The following MAP4K1 variants were observed in gnomAD, a reference collection of about 807,000 sequenced individuals.
The protein encoded by MAP4K1 is MAPK/ERK kinase kinase kinase 1.
Under a neutral mutation model 122.8 loss-of-function variants are expected in MAP4K1, and 35 were observed. That is an observed-to-expected ratio of 0.29 (90% confidence interval 0.22 to 0.38). The LOEUF (loss-of-function observed/expected upper bound fraction) is 0.38. Among genes scored for constraint, MAP4K1 ranks in the 10% least tolerant of loss-of-function variants. The pLI is 1.00. For missense variants in MAP4K1, 791 were observed against 1,072.6 expected, an observed-to-expected ratio of 0.74 and a Z score of 3.67; for synonymous variants, 412 against 421.3, an observed-to-expected ratio of 0.98 and a Z score of 0.27.
chr19:38,614,494 A>G lies in MAP4K1; in HGVS notation c.314-49T>C, dbSNP rs765355243. ...CCAGGCATTGGATGGGAGCCAGGGA[A>G]CCTGGGCTGGGGAGTCCTGCCCCCC... On this transcript the variant is annotated intron_variant, in intron 4 of 30. Coordinates refer to ENST00000396857, the MANE Select transcript of MAP4K1 (RefSeq NM_001042600.3). 249 of 1,609,220 alleles carry G rather than the reference A, an allele frequency of 1.5e-4. 6 individuals are homozygous for G. The South Asian group carries it at 2.6e-3, about 17-fold the overall frequency.
In MAP4K1 at chr19:38,597,014, C is replaced by T. The variant is rs747154285; in HGVS notation, c.1941+20G>A. ...GCCACCCACTCCTCAGAGTTCCCAGCACCCTCCCAAGCCCCTTACCCGGAC... is the reference window on the plus strand; with the variant it reads ...GCCACCCACTCCTCAGAGTTCCCAGTACCCTCCCAAGCCCCTTACCCGGAC... On this transcript the variant is annotated intron_variant, in intron 25 of 30. Coordinates refer to ENST00000396857, the MANE Select transcript of MAP4K1 (RefSeq NM_001042600.3). The surrounding 1 kb of genome is among the most constrained non-coding windows in gnomAD (Gnocchi z 4.6). 3 of 1,611,740 alleles carry T rather than the reference C, an allele frequency of 1.9e-6. No individual in the cohort carries two copies. The highest frequency in any genetic ancestry group is 2.2e-5 in the East Asian group (1 of 44,866).
chr19:38,589,704 C>T (rs1011222148), intron 30 of MAP4K1, among the ~76,000 whole-genome samples: 17 of 152,184 alleles, frequency 1.1e-4, no homozygotes, highest in African/African-American at 3.6e-4. Flanking sequence ...CGTGAGCCAC[C>T]GCGCCCGACC....
Position 38,617,610 on chromosome 19 carries a change from AC to A in MAP4K1, c.114del (p.Ser39GlnfsTer7). 1 of 1,614,068 alleles carries A rather than the reference AC, an allele frequency of 6.2e-7. No homozygotes were observed. The highest frequency in any genetic ancestry group is 8.5e-7 in the Non-Finnish European group (1 of 1,179,996). Reference protein sequence around the residue: ...YGEVFKARDKVSGDLVALKMV... With the variant: ...YGEVFKARDKXSGDLVALKMV... ...ATCTTCAGTGCCACCAGGTCCCCTG[AC>A]ACCTTGTCTCGAGCCTTGCAAAGGG... On this transcript the variant is annotated frameshift_variant, in exon 2 of 31. Coordinates refer to ENST00000396857, the MANE Select transcript of MAP4K1 (RefSeq NM_001042600.3). LOFTEE classifies it high-confidence loss of function. The surrounding 1 kb of genome is among the most constrained non-coding windows in gnomAD (Gnocchi z 4.1).
At chr19:38,603,139 TATATACACAC>T (rs1975186982) in intron 19 of MAP4K1, among the ~76,000 whole-genome samples, 1 of 145,940 alleles carries the variant, frequency 6.9e-6, no homozygotes, top group African/African-American at 2.6e-5. Flanking sequence ...CGCATATACA[TATATACACAC>T]ATATACATGT....
chr19:38,603,369 T>C (rs1001264669), intron 19 of MAP4K1, among the ~76,000 whole-genome samples: 1 of 151,038 alleles, frequency 6.6e-6, no homozygotes, highest in Non-Finnish European at 1.5e-5. Flanking sequence ...TATACACACA[T>C]ATACATATAT....
At chr19:38,616,849 G>T (rs1470221190) in intron 3 of MAP4K1, among the ~76,000 whole-genome samples, 1 of 152,144 alleles carries the variant, frequency 6.6e-6, no homozygotes, top group Non-Finnish European at 1.5e-5. Context: ...GGTCAGAAAA[G>T]TGGGACTTAG....
rs1975380242 is a variant in MAP4K1, at chr19:38,608,003, T to C, written c.1096A>G (p.Ser366Gly). 6.2e-7 allele frequency: 1 copy of C among 1,610,838 alleles called. No homozygotes were observed. Among genetic ancestry groups the C allele is most frequent in the Non-Finnish European group, 8.5e-7 (1 of 1,178,236 alleles). Residue 366 changes from serine to glycine, a missense_variant, in exon 15 of 31, where the codon AGC becomes GGC. This residue lies in a region of MAP4K1 where 303 missense variants were observed against 344.8 expected (regional missense o/e 0.88). Transcript: ENST00000396857. ...ARLQPPRDLR[S>G]SSPRKQLSES... ...GGGGTCCCTGACCTGGGGCTGCTGC[T>C]CCTGAGGTCTCGAGGAGGCTGTAGG...
intron 22 of MAP4K1, among the ~76,000 whole-genome samples, chr19:38,598,969 C>T (rs1345735256): frequency 4.2e-5 from 6 of 144,004 alleles, no homozygotes; most frequent in African/African-American, 1.3e-4. Context: ...GCCGAGACTG[C>T]GCCACTGCAC....
chr19:38,608,108 T>C lies in MAP4K1; in HGVS notation c.1065+4A>G. On this transcript the variant is annotated splice_donor_region_variant and intron_variant, in intron 14 of 30. Transcript: ENST00000396857. ...TGGTGGGGAGTGGGGGGACAGCATCTCACGGTGTTGGCTGGGGGTCTGGTC... is the reference window on the plus strand; with the variant it reads ...TGGTGGGGAGTGGGGGGACAGCATCCCACGGTGTTGGCTGGGGGTCTGGTC... The C allele has an allele frequency of 6.5e-7, 1 of 1,543,330 alleles. No individual in the cohort carries two copies. The highest frequency in any genetic ancestry group is 8.7e-7 in the Non-Finnish European group (1 of 1,146,284).
At chr19:38,602,265 G>C (rs1975086309) in intron 19 of MAP4K1, among the ~76,000 whole-genome samples, 1 of 152,056 alleles carries the variant, frequency 6.6e-6, no homozygotes, top group Non-Finnish European at 1.5e-5. Flanking sequence ...AGTAGAGACA[G>C]GGTTTCGCCA....
At position 38,597,034 on chromosome 19, in the gene MAP4K1, C is replaced by T. The variant is rs1283696934; in HGVS notation, c.1941G>A (p.Arg647=). ...YQPMNKFLLV[R]QVLFPLPTPL... ...CCCAGCACCCTCCCAAGCCCCTTAC[C>T]CGGACAAGCAGGAATTTGTTCATGG... is the stretch of plus-strand genomic sequence containing the variant. Residue 647 remains arginine, a splice_region_variant and synonymous_variant, in exon 25 of 31, where the codon CGG becomes CGA. Transcript: ENST00000396857. This position sits in a 1 kb window ranked among gnomAD's most constrained non-coding sequence, Gnocchi z 4.6. 1.2e-6 allele frequency: 2 copies of T among 1,614,002 alleles called. No individual in the cohort carries two copies. The highest frequency in any genetic ancestry group is 1.7e-6 in the Non-Finnish European group (2 of 1,179,936).
chr19:38,602,957 C>T (rs968813639), intron 19 of MAP4K1, among the ~76,000 whole-genome samples: 1 of 129,184 alleles, frequency 7.7e-6, no homozygotes, highest in Admixed American at 8.5e-5. Flanking sequence ...TATATACACA[C>T]ATATACACAT....
chr19:38,591,829 G>A (rs1974736187), intron 30 of MAP4K1, among the ~76,000 whole-genome samples: 1 of 151,998 alleles, frequency 6.6e-6, no homozygotes, highest in Admixed American at 6.6e-5. Flanking sequence ...AAATTAGCCG[G>A]GCACAGTGGC....
At chr19:38,612,812 A>T in intron 8 of MAP4K1, 70 bp from the exon 9 acceptor site, 1 of 1,563,482 alleles carries the variant, frequency 6.4e-7, no homozygotes. Context: ...GCAGAGAAGG[A>T]GAAGGAGTTG....
At chr19:38,591,316 G>T (rs2098658) in intron 30 of MAP4K1, among the ~76,000 whole-genome samples, 8,491 of 150,928 alleles carry the variant, frequency 0.056, 466 homozygotes, top group East Asian at 0.2. Context: ...ATCACCTGAG[G>T]TCAAGAGTTC....
At chr19:38,603,604 G>T (rs1975233971) in intron 19 of MAP4K1, among the ~76,000 whole-genome samples, 1 of 152,126 alleles carries the variant, frequency 6.6e-6, no homozygotes, top group African/African-American at 2.4e-5. Flanking sequence ...GGAGGCCGAG[G>T]TGGGAGGATC....
At position 38,593,266 on chromosome 19, in the gene MAP4K1, C is replaced by G. The variant is rs1356248884; in HGVS notation, c.2396+16G>C. ...GCCCCCTCCCAGGTCCTTCTGCACC[C>G]CACCCCACAACATACCTGGGGGAGC... On this transcript the variant is annotated intron_variant, in intron 30 of 30. Transcript: ENST00000396857. 6.2e-7 allele frequency: 1 copy of G among 1,609,992 alleles called. No homozygotes were observed.
intron 30 of MAP4K1, among the ~76,000 whole-genome samples, chr19:38,591,680 T>C (rs1974731635): frequency 1.3e-5 from 2 of 151,948 alleles, no homozygotes; most frequent in African/African-American, 4.8e-5. Context: ...AAAATAAAAA[T>C]GCAGCCAGGG....
At chr19:38,592,157 C>T (rs1974746353) in intron 30 of MAP4K1, among the ~76,000 whole-genome samples, 1 of 152,036 alleles carries the variant, frequency 6.6e-6, no homozygotes. Context: ...GCCTGTGGAC[C>T]TAGCTACTTG....
Sources: gnomAD v4.1 joint callset for allele counts (sites outside exome capture counted in the v4.1 genomes callset) on GRCh38, gnomAD v4.1.1 for gene constraint, gnomAD v4.1.1 regional missense constraint, Gnocchi (gnomAD v3.1) non-coding constraint, MANE v1.5 for transcripts, NCBI Gene and HGNC (gene_info 2026-07-23, HGNC 2026-07-21) for gene names.